Variants in LRRC19 observed in about 807,000 individuals in gnomAD.
The protein encoded by LRRC19 is leucine-rich repeat-containing protein 19.
Under a neutral mutation model 33.3 loss-of-function variants are expected in LRRC19, and 33 were observed. The ratio of observed to expected loss-of-function variants is 0.99; its 90% CI spans 0.75 to 1.33. LRRC19 has a LOEUF of 1.33. Ranked by LOEUF, LRRC19 falls within the 40% of genes most tolerant of loss-of-function variation. The pLI is 0.00. For missense variants in LRRC19, 463 were observed against 417.3 expected (o/e 1.11, Z -0.95); for synonymous variants, 184 against 152.3 (o/e 1.21, Z -1.53).
Position 26,996,337 on chromosome 9 carries a change from G to T in LRRC19, c.758C>A (p.Ser253Tyr). Residue 253 changes from serine (S) to tyrosine (Y), a missense_variant, in exon 4 of 5, where the codon TCT (serine) becomes TAT (tyrosine). By Grantham distance (144) the Ser-to-Tyr change is moderately radical. Transcript: ENST00000380055. ...TGAATTTCTTGTTAAGTTGTTCGAA[G>T]AGCTATTAAATATTGAATTGCTGAT... ...QPISNSIFNSSSNNLTRNSEH... is the reference protein window; with the variant it reads ...QPISNSIFNSYSNNLTRNSEH... The T allele has an allele frequency of 6.3e-7, 1 of 1,599,458 alleles. No individual in the cohort carries two copies. The highest frequency in any genetic ancestry group is 8.5e-7 in the Non-Finnish European group (1 of 1,170,712).
rs1171391633 is a variant in LRRC19, at chr9:26,994,754, A to T, written c.*767T>A. 6.6e-6 allele frequency: 1 copy of T among 152,606 alleles called. No homozygotes were observed. Among genetic ancestry groups the T allele is most frequent in the Non-Finnish European group, 1.5e-5 (1 of 68,036 alleles). 9.5% of individuals were successfully genotyped at this position (152,606 alleles called of 1,614,324 possible). A position where few individuals can be genotyped will look rare whatever the true frequency, so the allele number is the denominator to read the frequency against. The stretch of plus-strand genomic sequence containing the variant: ...TCCATGGACCACATGAAGATTCCTT[A>T]GTGTCAGCACAGACCAATTTGAATA... On this transcript the variant is annotated 3_prime_UTR_variant, in exon 5 of 5. Transcript: ENST00000380055.
chr9:26,997,479 A>AT (rs1828226973), intron 3 of LRRC19, among the ~76,000 whole-genome samples: 2 of 151,886 alleles, frequency 1.3e-5, no homozygotes, highest in African/African-American at 2.4e-5. Context: ...TACTACAGGC[A>AT]TGCGCCACCA....
At chr9:26,998,282 A>G in intron 2 of LRRC19, 41 bp from the exon 3 acceptor site, 1 of 1,174,484 alleles carries the variant, frequency 8.5e-7, no homozygotes, top group Non-Finnish European at 1.1e-6. Context: ...TCAGAAAAAA[A>G]ATTAATAGAA....
At position 26,997,814 on chromosome 9, in the gene LRRC19, A is replaced by C. The variant is rs762700300; in HGVS notation, c.509T>G (p.Leu170Ter). Residue 170 changes from leucine (L) to a stop codon, truncating the protein, a stop_gained, in exon 3 of 5, where the codon TTA becomes TGA. Transcript: ENST00000380055. LOFTEE classifies it high-confidence loss of function. ...LDVPPLFHLE[L>*]ITLYGNLWNC... ...CCATAGGTTTCCATATAAAGTTATT[A>C]ATTCCAGATGAAATAGTGGTGGTAC... 1.2e-5 allele frequency: 20 copies of C among 1,614,046 alleles called. No homozygotes were observed. In the African/African-American group the frequency reaches 2.4e-4, roughly 19 times the overall value.
chr9:26,996,536 A>G (rs2131569451), intron 3 of LRRC19, 37 bp from the exon 4 acceptor site: 1 of 1,271,288 alleles, frequency 7.9e-7, no homozygotes, highest in Non-Finnish European at 1.0e-6. Flanking sequence ...AGTATAGAGA[A>G]AAATAATAGT....
chr9:26,997,783 G>A lies in LRRC19; in HGVS notation c.540C>T (p.Cys180=). The A allele has an allele frequency of 1.9e-6, 3 of 1,613,582 alleles. No individual in the cohort carries two copies. In the East Asian group the frequency reaches 6.7e-5, roughly 36 times the overall value. ...TCTGCAAATTAAATAGACTGCAAGA[G>A]CAGTTCCATAGGTTTCCATATAAAG... ...LITLYGNLWN[C]SCSLFNLQNW... is the part of the protein sequence containing the mutation. Residue 180 remains cysteine (C), a synonymous_variant, in exon 3 of 5, where the codon TGC becomes TGT. Coordinates refer to ENST00000380055, the MANE Select transcript of LRRC19 (RefSeq NM_022901.3).
chr9:26,995,591 A>G lies in LRRC19; in HGVS notation c.1043T>C (p.Phe348Ser). 6.2e-7 allele frequency: 1 copy of G among 1,604,332 alleles called. No individual in the cohort carries two copies. Among genetic ancestry groups the G allele is most frequent in the South Asian group, 1.1e-5 (1 of 90,806 alleles). The change falls in exon 5 of 5, where the codon TTT becomes TCT. Residue 348 changes from phenylalanine (F) to serine (S), a missense_variant. Physicochemically the swap from Phe to Ser is radical, Grantham distance 155. Transcript: ENST00000380055. ...TTVIFEQLHS[F>S]VVDDDGFIED... ...AATAAATCCATCATCATCTACCACA[A>G]ATGAATGTAATTGTTCAAATATTAC... is the stretch of plus-strand genomic sequence containing the variant.
At position 26,995,737 on chromosome 9, in the gene LRRC19, A is replaced by G. The variant is rs1294622717; in HGVS notation, c.897T>C (p.Ile299=). The G allele has an allele frequency of 3.7e-6, 6 of 1,613,936 alleles. No homozygotes were observed. Among genetic ancestry groups the G allele is most frequent in the Non-Finnish European group, 4.2e-6 (5 of 1,179,896 alleles). ...GGCGATGATGATTATAACTAAGCAG[A>G]ATATTGTACCATATTGGGCATTTGA... ...IAIKCPIWYN[I]LLSYNHHRLE... is the part of the protein sequence containing the mutation. The change falls in exon 5 of 5, where the codon ATT becomes ATC. Residue 299 remains isoleucine (I), a synonymous_variant. Transcript: ENST00000380055.
intron 1 of LRRC19, among the ~76,000 whole-genome samples, chr9:27,001,734 G>T (rs940272101): frequency 2.0e-5 from 3 of 151,872 alleles, no homozygotes; most frequent in Non-Finnish European, 4.4e-5. Flanking sequence ...TTTTTAGATG[G>T]GTAGTTTGCA....
Position 26,996,303 on chromosome 9 carries a change from T to C in LRRC19, c.784+8A>G. 1 of 1,539,804 alleles carries C rather than the reference T, an allele frequency of 6.5e-7. No homozygotes were observed. Among genetic ancestry groups the C allele is most frequent in the Non-Finnish European group, 8.9e-7 (1 of 1,122,210 alleles). On this transcript the variant is annotated splice_region_variant and intron_variant, in intron 4 of 4. Transcript: ENST00000380055. ...CAGCAGTGTTAATATATAGAACCAGTATATTACCTGAATTTCTTGTTAAGT... is the reference window on the plus strand; with the variant it reads ...CAGCAGTGTTAATATATAGAACCAGCATATTACCTGAATTTCTTGTTAAGT...
Position 26,996,319 on chromosome 9 carries a change from C to G in LRRC19, c.776G>C (p.Arg259Thr). The stretch of plus-strand genomic sequence containing the variant: ...TAGAACCAGTATATTACCTGAATTT[C>G]TTGTTAAGTTGTTCGAAGAGCTATT... Reference protein sequence around the residue: ...IFNSSSNNLTRNSEHEPLGKS... With the variant: ...IFNSSSNNLTTNSEHEPLGKS... The change falls in exon 4 of 5, where the codon AGA (arginine) becomes ACA (threonine). Residue 259 changes from arginine (R) to threonine (T), a missense_variant. Physicochemically the swap from Arg to Thr is moderately conservative, Grantham distance 71. Transcript: ENST00000380055. The G allele has an allele frequency of 6.3e-7, 1 of 1,580,854 alleles. No homozygotes were observed. Among genetic ancestry groups the G allele is most frequent in the Non-Finnish European group, 8.6e-7 (1 of 1,156,960 alleles).
At chr9:27,003,740 C>T (rs1338738189) in intron 1 of LRRC19, among the ~76,000 whole-genome samples, 1 of 152,186 alleles carries the variant, frequency 6.6e-6, no homozygotes, top group African/African-American at 2.4e-5. Flanking sequence ...AAAAGCTACT[C>T]TGCCTCCTAT....
chr9:26,999,727 A>C, intron 1 of LRRC19, 24 bp from the exon 2 acceptor site: 1 of 1,421,578 alleles, frequency 7.0e-7, no homozygotes, highest in Non-Finnish European at 9.6e-7. Context: ...GAGTATTTTC[A>C]TTAAGGACAT....
At chr9:27,000,802 C>T (rs1297456251) in intron 1 of LRRC19, among the ~76,000 whole-genome samples, 1 of 152,158 alleles carries the variant, frequency 6.6e-6, no homozygotes, top group Non-Finnish European at 1.5e-5. Flanking sequence ...AACAAACCTG[C>T]ATAACCTGCA....
intron 4 of LRRC19, 57 bp from the exon 5 acceptor site, chr9:26,995,906 A>T (rs1304643141): frequency 1.6e-5 from 20 of 1,213,232 alleles, no homozygotes; most frequent in Non-Finnish European, 2.0e-5. Context: ...TTGGCAAAAT[A>T]ATCATAATTA....
intron 1 of LRRC19, among the ~76,000 whole-genome samples, chr9:27,000,328 G>T (rs1386308892): frequency 6.6e-6 from 1 of 152,114 alleles, no homozygotes; most frequent in Non-Finnish European, 1.5e-5. Context: ...GTGCACAAAA[G>T]AAATTCAGGA....
chr9:26,997,525 G>A (rs541111897), intron 3 of LRRC19, among the ~76,000 whole-genome samples: 10 of 152,060 alleles, frequency 6.6e-5, no homozygotes, highest in African/African-American at 2.2e-4. Context: ...GCAGAGATGG[G>A]GTTTCACCAT....
chr9:26,994,656 C>G lies in LRRC19; in HGVS notation c.*865G>C, dbSNP rs1240109803. 19 of 152,280 alleles carry G rather than the reference C, an allele frequency of 1.2e-4. No homozygotes were observed. Among genetic ancestry groups the G allele is most frequent in the Non-Finnish European group, 2.6e-4 (18 of 68,012 alleles). 9.4% of individuals were successfully genotyped at this position (152,280 alleles called of 1,614,324 possible). A position where few individuals can be genotyped will look rare whatever the true frequency, so the allele number is the denominator to read the frequency against. On this transcript the variant is annotated 3_prime_UTR_variant, in exon 5 of 5. Coordinates refer to ENST00000380055, the MANE Select transcript of LRRC19 (RefSeq NM_022901.3). ...CTTCTGTAAATACTTGTGAATGTCT[C>G]TCTGGAAATTAGTATTCTAGAAAAA...
chr9:26,996,376 A>G lies in LRRC19; in HGVS notation c.719T>C (p.Ile240Thr). 3.7e-6 allele frequency: 6 copies of G among 1,609,820 alleles called. No homozygotes were observed. The highest frequency in any genetic ancestry group is 5.1e-6 in the Non-Finnish European group (6 of 1,177,382). Residue 240 changes from isoleucine to threonine, a missense_variant, in exon 4 of 5, where the codon ATT becomes ACT. Coordinates refer to ENST00000380055, the MANE Select transcript of LRRC19 (RefSeq NM_022901.3). ...TGAATTGCTGATGGGCTGAAAATGA[A>G]TATAAAGATCTTCAGTTACTGATGA... ...FPSSVTEDLY[I>T]HFQPISNSIF...
Sources: gnomAD v4.1 joint callset for allele counts (sites outside exome capture counted in the v4.1 genomes callset) on GRCh38, gnomAD v4.1.1 for gene constraint, MANE v1.5 for transcripts, NCBI Gene and HGNC (gene_info 2026-07-23, HGNC 2026-07-21) for gene names.